RGS6: variants seen among roughly 807,000 people sequenced by gnomAD.
The protein encoded by RGS6 is regulator of G protein signaling 6, also known as regulator of G-protein signaling 6.
A neutral mutation model predicts 78.5 loss-of-function variants in RGS6; 30 were observed. The ratio of observed to expected loss-of-function variants is 0.38; its 90% CI spans 0.29 to 0.52. The LOEUF (loss-of-function observed/expected upper bound fraction) is 0.52. RGS6 is among the 20% of genes least tolerant of loss of function. RGS6 has a pLI of 0.85. For missense variants in RGS6, 495 were observed against 609.7 expected (o/e 0.81, Z 1.98); for synonymous variants, 206 against 206.0 (o/e 1.00, Z 0.00).
At chr14:72,401,511 C>T (rs1025952629) in intron 3 of RGS6, among the ~76,000 whole-genome samples, 3 of 151,340 alleles carry the variant, frequency 2.0e-5, no homozygotes, top group South Asian at 2.1e-4. Context: ...AGATGTTGCC[C>T]GAGGGAAAGG....
At chr14:72,332,234 T>C (rs1347770676) in intron 2 of RGS6, among the ~76,000 whole-genome samples, 3 of 152,136 alleles carry the variant, frequency 2.0e-5, no homozygotes, top group Non-Finnish European at 4.4e-5. Flanking sequence ...CTCCAGATGG[T>C]TCACAAACTA....
chr14:71,935,792 G>A (rs908478105), intron 1 of RGS6, among the ~76,000 whole-genome samples: 11 of 151,752 alleles, frequency 7.2e-5, no homozygotes, highest in African/African-American at 2.4e-4. Context: ...AGCTAATGAC[G>A]TATTTATTGC....
the RGS6 span, among the ~76,000 whole-genome samples, chr14:71,867,784 C>G: frequency 6.6e-6 from 1 of 152,108 alleles, no homozygotes; most frequent in Non-Finnish European, 1.5e-5. Flanking sequence ...CTGGCCAATT[C>G]CAGGATTATG....
At chr14:72,367,090 A>G (rs1157590871) in intron 3 of RGS6, among the ~76,000 whole-genome samples, 1 of 152,212 alleles carries the variant, frequency 6.6e-6, no homozygotes, top group East Asian at 1.9e-4. Flanking sequence ...ACAGTTAAGG[A>G]CAGAACCAAG....
chr14:72,289,331 C>CTT (rs1235904911), intron 2 of RGS6, among the ~76,000 whole-genome samples: 1 of 16,008 alleles, frequency 6.2e-5, no homozygotes, highest in Non-Finnish European at 1.8e-4. Flanking sequence ...TTCTTTCTTT[C>CTT]TCTCTCTCTC....
At chr14:72,205,449 A>G (rs1450163376) in intron 2 of RGS6, among the ~76,000 whole-genome samples, 1 of 152,192 alleles carries the variant, frequency 6.6e-6, no homozygotes, top group Non-Finnish European at 1.5e-5. Context: ...TCAAAATGGT[A>G]GTATCTCTTT....
the RGS6 span, among the ~76,000 whole-genome samples, chr14:71,880,126 T>C: frequency 1.3e-5 from 2 of 152,190 alleles, no homozygotes; most frequent in African/African-American, 2.4e-5. Flanking sequence ...CCCTAGAGAT[T>C]TGTGGAACTT....
chr14:72,586,984 C>A, the RGS6 span, among the ~76,000 whole-genome samples: 1 of 152,094 alleles, frequency 6.6e-6, no homozygotes, highest in African/African-American at 2.4e-5. Flanking sequence ...GGAACATAAT[C>A]CCCACAAAGA....
At chr14:72,423,051 G>A (rs1257910893) in intron 3 of RGS6, among the ~76,000 whole-genome samples, 1 of 152,138 alleles carries the variant, frequency 6.6e-6, no homozygotes, top group African/African-American at 2.4e-5. Context: ...GAGTAGAAGG[G>A]CCTGACAGGT....
At chr14:72,503,651 G>A (rs7161138) in intron 13 of RGS6, among the ~76,000 whole-genome samples, 30,135 of 152,168 alleles carry the variant, frequency 0.2, 3,808 homozygotes, top group African/African-American at 0.36. Context: ...CAACAGGGCA[G>A]AAAACATTAA....
chr14:72,010,999 A>G (rs763318451), intron 2 of RGS6, among the ~76,000 whole-genome samples: 12 of 152,210 alleles, frequency 7.9e-5, no homozygotes, highest in Non-Finnish European at 1.3e-4. Flanking sequence ...CAAAACCGCA[A>G]TACTTTTGCA....
At chr14:72,510,837 A>G (rs1190103650) in intron 14 of RGS6, among the ~76,000 whole-genome samples, 2 of 152,230 alleles carry the variant, frequency 1.3e-5, no homozygotes, top group Non-Finnish European at 2.9e-5. Context: ...GACTCCAAAT[A>G]GTGGTTACTC....
rs2097703377 is a variant in RGS6 at position 72,564,998 on chromosome 14, A to G, written c.*2531A>G. 1 of 152,292 alleles carries G rather than the reference A, an allele frequency of 6.6e-6. No homozygotes were observed. The allele number at this position is 152,292 out of a possible 1,614,324, so 9.4% of individuals were successfully genotyped here. On this transcript the variant is annotated 3_prime_UTR_variant, in exon 18 of 18. Transcript: ENST00000553525. ...GAACGAGGCTGCCTATCCAAGGTCC[A>G]TCTACCACGCAGAACTTGGTCATGC...
the RGS6 span, among the ~76,000 whole-genome samples, chr14:72,600,294 C>T: frequency 2.6e-5 from 4 of 152,032 alleles, no homozygotes; most frequent in Non-Finnish European, 5.9e-5. Context: ...GCTCCCCAGG[C>T]GATTCTGGGC....
intron 17 of RGS6, among the ~76,000 whole-genome samples, chr14:72,543,935 C>T (rs2097359045): frequency 1.3e-5 from 2 of 152,186 alleles, no homozygotes; most frequent in African/African-American, 4.8e-5. Context: ...GGGGTTTCAC[C>T]ATATTGGCCA....
chr14:72,191,279 C>T (rs1386436260), intron 2 of RGS6, among the ~76,000 whole-genome samples: 1 of 152,046 alleles, frequency 6.6e-6, no homozygotes, highest in Non-Finnish European at 1.5e-5. Context: ...CTTTCGTCCA[C>T]ACCTGCGTTT....
intron 1 of RGS6, among the ~76,000 whole-genome samples, chr14:71,953,422 TTA>T (rs1357509957): frequency 6.6e-6 from 1 of 152,154 alleles, no homozygotes; most frequent in Non-Finnish European, 1.5e-5. Context: ...AAAAGTGTAT[TTA>T]TGGACACAAA....
intron 2 of RGS6, among the ~76,000 whole-genome samples, chr14:72,131,278 G>A (rs1193353086): frequency 2.6e-5 from 4 of 152,150 alleles, no homozygotes; most frequent in Non-Finnish European, 4.4e-5. Flanking sequence ...GCCTAGCTTG[G>A]AGGTTCCTCT....
At chr14:72,594,673 T>C in the RGS6 span, 7 of 152,202 alleles carry the variant, frequency 4.6e-5, no homozygotes, top group Admixed American at 1.3e-4. Flanking sequence ...TTCCTCGCTC[T>C]CCTCAACTGC....
Sources: allele counts gnomAD v4.1 joint callset (sites outside exome capture counted in the v4.1 genomes callset), GRCh38; gene constraint gnomAD v4.1.1; transcripts MANE v1.5; gene names NCBI Gene and HGNC (gene_info 2026-07-23, HGNC 2026-07-21).